Variants in MYOM2 observed in about 807,000 individuals in gnomAD.
MYOM2 encodes the protein myomesin 2, also known as myomesin-2.
Under a neutral mutation model 187.6 loss-of-function variants are expected in MYOM2, and 254 were observed. That is an observed-to-expected ratio of 1.35 (90% CI 1.22 to 1.50). The LOEUF (loss-of-function observed/expected upper bound fraction) is 1.50. Among genes scored for constraint, MYOM2 ranks in the 40% most tolerant of loss-of-function variants. The pLI, the probability that MYOM2 is intolerant of heterozygous loss-of-function variation, is 0.00. For missense variants in MYOM2, 2,796 were observed against 1,924.0 expected (o/e 1.45, Z -8.48); for synonymous variants, 981 against 753.8 (o/e 1.30, Z -4.94).
chr8:2,079,049 C>A, intron 12 of MYOM2, 116 bp downstream of exon 12: 1 of 943,860 alleles, frequency 1.1e-6, no homozygotes, highest in Non-Finnish European at 1.6e-6. Context: ...GCCCTGTGTG[C>A]AGAGCATAGC....
At chr8:2,058,177 C>A (rs3779860) in intron 5 of MYOM2, among the ~76,000 whole-genome samples, 1 of 151,878 alleles carries the variant, frequency 6.6e-6, no homozygotes, top group South Asian at 2.1e-4. Flanking sequence ...CGCCACCACG[C>A]CTGGCTAATT....
In MYOM2 at chr8:2,052,253, G is replaced by T; in HGVS notation, c.203G>T (p.Cys68Phe). 1 of 1,613,178 alleles carries T rather than the reference G, an allele frequency of 6.2e-7. No individual in the cohort carries two copies. The highest frequency in any genetic ancestry group is 8.5e-7 in the Non-Finnish European group (1 of 1,179,820). The change falls in exon 3 of 37, where the codon TGC becomes TTC. Residue 68 changes from cysteine (C) to phenylalanine (F), a missense_variant. Physicochemically the swap from Cys to Phe is radical, Grantham distance 205. Coordinates refer to ENST00000262113, the MANE Select transcript of MYOM2 (RefSeq NM_003970.4). ...CAGACGTCCCTGGGAGGAACCATCTGCAGGGTCTGTGCGAAGCGAGTGAGC... is the reference window on the plus strand; with the variant it reads ...CAGACGTCCCTGGGAGGAACCATCTTCAGGGTCTGTGCGAAGCGAGTGAGC... ...SSQTSLGGTI[C>F]RVCAKRVSTQ...
chr8:2,110,418 C>T (rs1190193898), intron 25 of MYOM2, among the ~76,000 whole-genome samples: 1 of 152,150 alleles, frequency 6.6e-6, no homozygotes, highest in Non-Finnish European at 1.5e-5. Context: ...ACAATTATGT[C>T]AGGTACTCCT....
chr8:2,104,626 A>C (rs1796831905), intron 21 of MYOM2, among the ~76,000 whole-genome samples: 4 of 151,560 alleles, frequency 2.6e-5, no homozygotes, highest in Admixed American at 1.3e-4. Context: ...AGAAAAAAAA[A>C]GTTTATTTGG....
intron 6 of MYOM2, among the ~76,000 whole-genome samples, chr8:2,068,960 G>GA (rs1048658258): frequency 6.6e-6 from 1 of 152,184 alleles, no homozygotes; most frequent in Non-Finnish European, 1.5e-5. Flanking sequence ...CATAGAGGTA[G>GA]AAAAAATAGG....
At chr8:2,105,140 G>C (rs1295261728) in intron 21 of MYOM2, among the ~76,000 whole-genome samples, 1 of 152,090 alleles carries the variant, frequency 6.6e-6, no homozygotes, top group Non-Finnish European at 1.5e-5. Flanking sequence ...ATTTCAATGT[G>C]AGTTTTGAGG....
intron 23 of MYOM2, among the ~76,000 whole-genome samples, chr8:2,107,540 T>C (rs6988125): frequency 0.2 from 30,455 of 151,952 alleles, 3,656 homozygotes; most frequent in African/African-American, 0.32. Flanking sequence ...TGGGCAGGTA[T>C]CCACGGAGGG....
chr8:2,114,091 C>G (rs766551229), intron 25 of MYOM2, among the ~76,000 whole-genome samples: 1 of 152,200 alleles, frequency 6.6e-6, no homozygotes, highest in South Asian at 2.1e-4. Context: ...AGGGAAGTCT[C>G]CCTTGGAGCC....
At chr8:2,090,680 T>C (rs1280181344) in intron 15 of MYOM2, among the ~76,000 whole-genome samples, 2 of 152,222 alleles carry the variant, frequency 1.3e-5, no homozygotes, top group African/African-American at 4.8e-5. Context: ...CCATGTGTTC[T>C]CATCATTTAG....
At chr8:2,053,596 A>G (rs1818561496) in intron 3 of MYOM2, among the ~76,000 whole-genome samples, 1 of 152,238 alleles carries the variant, frequency 6.6e-6, no homozygotes, top group African/African-American at 2.4e-5. Context: ...ATGACTTTCA[A>G]GACAGCCTTG....
At chr8:2,100,129 T>TTCCTTCCTTTCTTTCCTTCCTTCC (rs1796648799) in intron 19 of MYOM2, among the ~76,000 whole-genome samples, 2 of 45,528 alleles carry the variant, frequency 4.4e-5, no homozygotes, top group African/African-American at 1.6e-4. Context: ...TCCTTCCTTC[T>TTCCTTCCTTTCTTTCCTTCCTTCC]TTCCTTCCTT....
At chr8:2,072,564 A>C in intron 9 of MYOM2, 55 bp downstream of exon 9, 3 of 1,563,282 alleles carry the variant, frequency 1.9e-6, no homozygotes, top group Non-Finnish European at 2.6e-6. Context: ...TTGGACGGAA[A>C]TGTCCTTTAA....
At chr8:2,134,266 C>T (rs74973912) in intron 32 of MYOM2, among the ~76,000 whole-genome samples, 11 of 152,234 alleles carry the variant, frequency 7.2e-5, no homozygotes, top group African/African-American at 1.9e-4. Flanking sequence ...TCGTCTCTCT[C>T]GGCCTGGGTG....
chr8:2,086,495 C>CCCCACTGTTGTGATCTCTGCGTGGCCT (rs1796075793), intron 14 of MYOM2, among the ~76,000 whole-genome samples: 4 of 77,126 alleles, frequency 5.2e-5, no homozygotes, highest in African/African-American at 1.5e-4. Context: ...CTGTGTGGCC[C>CCCCACTGTTGTGATCTCTGCGTGGCCT]CCCACTGTCG....
At chr8:2,047,590 T>A (rs1371938230) in intron 1 of MYOM2, among the ~76,000 whole-genome samples, 1 of 152,214 alleles carries the variant, frequency 6.6e-6, no homozygotes, top group Non-Finnish European at 1.5e-5. Context: ...AGTGACCCCA[T>A]ACTTGTGGAA....
chr8:2,057,999 T>G (rs1224261487), intron 5 of MYOM2, among the ~76,000 whole-genome samples: 3 of 4,478 alleles, frequency 6.7e-4, no homozygotes, highest in Non-Finnish European at 1.9e-3. Context: ...TTTCAGAGGG[T>G]TTTTTTTTTT....
intron 19 of MYOM2, among the ~76,000 whole-genome samples, chr8:2,099,917 G>T (rs1453541703): frequency 1.3e-5 from 2 of 152,164 alleles, no homozygotes; most frequent in Non-Finnish European, 2.9e-5. Flanking sequence ...TTTCCTTTTA[G>T]TCAGCGTCTT....
chr8:2,075,155 C>T (rs761652194), intron 10 of MYOM2, among the ~76,000 whole-genome samples: 1 of 152,206 alleles, frequency 6.6e-6, no homozygotes, highest in African/African-American at 2.4e-5. Context: ...GTATCTCACC[C>T]TCCTCACTTC....
In MYOM2 at chr8:2,057,524, G is replaced by A. The variant is rs748102012; in HGVS notation, c.402+38G>A. 118 of 1,613,362 alleles carry A rather than the reference G, an allele frequency of 7.3e-5. 1 individual carries two copies. The highest frequency in any genetic ancestry group is 4.8e-4 in the South Asian group (44 of 90,982). ...CAGGGTGGCTGGGTGTCTGGGAAGC[G>A]TGGACTAGATCTTAGCTTGTCTGCA... On this transcript the variant is annotated intron_variant, in intron 4 of 36. Coordinates refer to ENST00000262113, the MANE Select transcript of MYOM2 (RefSeq NM_003970.4).
Sources: gnomAD v4.1 joint callset for allele counts (sites outside exome capture counted in the v4.1 genomes callset) on GRCh38, gnomAD v4.1.1 for gene constraint, MANE v1.5 for transcripts, NCBI Gene and HGNC (gene_info 2026-07-23, HGNC 2026-07-21) for gene names.